The following INSR variants were observed in gnomAD, a reference collection of about 807,000 sequenced individuals.
The protein encoded by INSR is insulin receptor.
A neutral mutation model predicts 142.6 loss-of-function variants in INSR; 67 were observed. That is an observed-to-expected ratio of 0.47 (90% CI 0.39 to 0.58). The LOEUF is 0.58. Ranked by LOEUF, INSR falls within the 20% of genes least tolerant of loss-of-function variation. INSR has a pLI of 0.00. For missense variants in INSR, 1,248 were observed against 1,833.2 expected (o/e 0.68, Z 5.83); for synonymous variants, 756 against 743.1 (o/e 1.02, Z -0.28).
At chr19:7,287,764 C>T (rs568775578) in intron 1 of INSR, among the ~76,000 whole-genome samples, 2 of 152,208 alleles carry the variant, frequency 1.3e-5, no homozygotes, top group East Asian at 3.9e-4. Flanking sequence ...TCGAGTTGTA[C>T]CAGGGACTGC....
Position 7,114,461 on chromosome 19 carries a change from T to C in INSR, c.*2595A>G, listed in dbSNP as rs1406048429. 6.6e-6 allele frequency: 1 copy of C among 152,230 alleles called. No homozygotes were observed. Among genetic ancestry groups the C allele is most frequent in the Non-Finnish European group, 1.5e-5 (1 of 68,034 alleles). The allele number at this position is 152,230 out of a possible 1,614,324, so 9.4% of individuals were successfully genotyped here. ...GAAGATTAAATTCAGAGAAGAATAT[T>C]ACCAGCCAGGAAGAAAAGGATCTAT... On this transcript the variant is annotated 3_prime_UTR_variant, in exon 22 of 22. Coordinates refer to ENST00000302850, the MANE Select transcript of INSR (RefSeq NM_000208.4).
intron 2 of INSR, among the ~76,000 whole-genome samples, chr19:7,233,264 G>C (rs1398374576): frequency 6.6e-6 from 1 of 152,162 alleles, no homozygotes; most frequent in Non-Finnish European, 1.5e-5. Context: ...AAAGTGCTGG[G>C]ATTACAGGCG....
chr19:7,250,280 GAGGGGAGGAGAAGA>G (rs1222146052), intron 2 of INSR, among the ~76,000 whole-genome samples: 6 of 141,850 alleles, frequency 4.2e-5, no homozygotes, highest in African/African-American at 5.2e-5. Flanking sequence ...AGAGGGGAAG[GAGGGGAGGAGAAGA>G]AGGGGAGGGG....
chr19:7,156,206 G>A (rs966813326), intron 9 of INSR, among the ~76,000 whole-genome samples: 4 of 151,350 alleles, frequency 2.6e-5, no homozygotes, highest in South Asian at 2.1e-4. Flanking sequence ...GATTACAGGC[G>A]CCTGCCACCA....
intron 3 of INSR, among the ~76,000 whole-genome samples, chr19:7,180,973 C>T (rs1156354470): frequency 6.6e-6 from 1 of 152,120 alleles, no homozygotes; most frequent in Non-Finnish European, 1.5e-5. Context: ...CAGAGTCTCA[C>T]TCTGTCACCG....
chr19:7,204,711 G>A (rs909440825), intron 2 of INSR, among the ~76,000 whole-genome samples: 3 of 26,876 alleles, frequency 1.1e-4, no homozygotes, highest in African/African-American at 4.1e-4. Context: ...GCACCTATGC[G>A]GGGAAAATGC....
In INSR at chr19:7,119,604, T is replaced by A; in HGVS notation, c.3660-21A>T. On this transcript the variant is annotated intron_variant, in intron 20 of 21. Coordinates refer to ENST00000302850, the MANE Select transcript of INSR (RefSeq NM_000208.4). This position sits in a 1 kb window ranked among gnomAD's most constrained non-coding sequence, Gnocchi z 5.2. ...AGGACCTGCCGATGACAGTTGATAG[T>A]AGTAACAAAGAAGCCATTTAGACAC... The A allele has an allele frequency of 1.2e-6, 2 of 1,613,530 alleles. No homozygotes were observed. The highest frequency in any genetic ancestry group is 1.7e-6 in the Non-Finnish European group (2 of 1,179,932).
intron 1 of INSR, among the ~76,000 whole-genome samples, chr19:7,281,796 T>C (rs575291141): frequency 6.6e-6 from 1 of 152,324 alleles, no homozygotes; most frequent in South Asian, 2.1e-4. Flanking sequence ...GGGTAATTTT[T>C]AGACAGTACC....
At chr19:7,212,038 G>A (rs1011243689) in intron 2 of INSR, among the ~76,000 whole-genome samples, 1 of 152,046 alleles carries the variant, frequency 6.6e-6, no homozygotes, top group Admixed American at 6.6e-5. Flanking sequence ...ATTCAGAGTC[G>A]GATCTTCATC....
rs760555781 is a variant in INSR, at chr19:7,184,354, G to T, written c.936C>A (p.Ile312=). 8.1e-6 allele frequency: 13 copies of T among 1,613,898 alleles called. No individual in the cohort carries two copies. The highest frequency in any genetic ancestry group is 1.0e-5 in the Non-Finnish European group (12 of 1,180,024). The change falls in exon 3 of 22, where the codon ATC becomes ATA. Residue 312 remains isoleucine (I), a synonymous_variant. Transcript: ENST00000302850. ...HQYVIHNNKC[I]PECPSGYTMN... is the part of the protein sequence containing the mutation. ...TCGTGTACCCGGAGGGACACTCAGG[G>T]ATGCACTTGTTGTTGTGAATGACGT...
chr19:7,257,963 C>T lies in INSR; in HGVS notation c.652+9382G>A, dbSNP rs146933616. On this transcript the variant is annotated intron_variant, in intron 2 of 21. Transcript: ENST00000302850. ...TCAGCCTCCTGAGTAGCTGGGATTACAGGTGCCCGCCACCACGCTCAGCTA... is the reference window on the plus strand; with the variant it reads ...TCAGCCTCCTGAGTAGCTGGGATTATAGGTGCCCGCCACCACGCTCAGCTA... Among the ~76,000 whole-genome samples, 65 of 152,328 alleles carry T rather than the reference C, an allele frequency of 4.3e-4. 1 individual carries two copies. Among genetic ancestry groups the T allele is most frequent in the Non-Finnish European group, 7.2e-4 (49 of 68,020 alleles).
At chr19:7,263,141 G>A (rs1342626218) in intron 2 of INSR, among the ~76,000 whole-genome samples, 1 of 152,036 alleles carries the variant, frequency 6.6e-6, no homozygotes, top group Admixed American at 6.6e-5. Flanking sequence ...AGCCGGGCAT[G>A]GTGGCTGGTG....
intron 2 of INSR, among the ~76,000 whole-genome samples, chr19:7,248,485 CAAAAAAAAA>C (rs758091489): frequency 5.6e-5 from 2 of 35,410 alleles, no homozygotes; most frequent in African/African-American, 2.9e-4. Flanking sequence ...GACCCCATCT[CAAAAAAAAA>C]AAAAAAAAAA....
At chr19:7,154,557 C>T (rs1355621472) in intron 9 of INSR, among the ~76,000 whole-genome samples, 2 of 150,850 alleles carry the variant, frequency 1.3e-5, no homozygotes, top group African/African-American at 4.8e-5. Flanking sequence ...CCGCCTTGGC[C>T]TCCCAAAGTG....
intron 1 of INSR, among the ~76,000 whole-genome samples, chr19:7,282,980 G>GTAATAA (rs56796695): frequency 0.056 from 8,176 of 146,250 alleles, 551 homozygotes; most frequent in East Asian, 0.17. Flanking sequence ...CTCAAAAAAA[G>GTAATAA]TAATAATAAT....
intron 17 of INSR, 57 bp from the exon 18 acceptor site, chr19:7,123,046 G>T (rs755036064): frequency 7.0e-6 from 9 of 1,283,134 alleles, no homozygotes; most frequent in Admixed American, 5.9e-5. Flanking sequence ...ACTCACCAGG[G>T]TTCTCCTCCC....
intron 2 of INSR, among the ~76,000 whole-genome samples, chr19:7,245,130 G>A (rs181405077): frequency 1.2e-4 from 18 of 151,560 alleles, no homozygotes; most frequent in Non-Finnish European, 2.2e-4. Context: ...TAGAGACAGG[G>A]TTTTACCGTG....
chr19:7,125,280 C>T lies in INSR; in HGVS notation c.3258+3G>A, dbSNP rs1972617432. ...GCCCATGTCCCACCCCCACTGGACT[C>T]ACCACGTGATGGCAGGTGAAGCCCT... On this transcript the variant is annotated splice_donor_region_variant and intron_variant, in intron 17 of 21. Transcript: ENST00000302850. The surrounding 1 kb of genome is among the most constrained non-coding windows in gnomAD (Gnocchi z 4.9). The T allele has an allele frequency of 1.2e-6, 2 of 1,613,888 alleles. No individual in the cohort carries two copies. Among genetic ancestry groups the T allele is most frequent in the Admixed American group, 1.7e-5 (1 of 59,994 alleles).
intron 10 of INSR, chr19:7,151,946 C>T (rs1973373574): frequency 6.6e-6 from 1 of 152,000 alleles, no homozygotes; most frequent in East Asian, 1.9e-4. Context: ...ACATGCATTA[C>T]CATGCCTGAC....
Sources: gnomAD v4.1 joint callset for allele counts (sites outside exome capture counted in the v4.1 genomes callset) on GRCh38, gnomAD v4.1.1 for gene constraint, Gnocchi (gnomAD v3.1) non-coding constraint, MANE v1.5 for transcripts, NCBI Gene and HGNC (gene_info 2026-07-23, HGNC 2026-07-21) for gene names.